Variants in PALS2 observed in about 807,000 individuals in gnomAD.
PALS2 encodes the protein protein PALS2.
In PALS2, 27 loss-of-function variants were observed where a neutral mutation model predicts 61.6. That is an observed-to-expected ratio of 0.44 (90% CI 0.32 to 0.60). PALS2 has a LOEUF of 0.60. Ranked by LOEUF, PALS2 falls within the 20% of genes least tolerant of loss-of-function variation. PALS2 has a pLI of 0.05. For missense variants in PALS2, 554 were observed against 639.4 expected (o/e 0.87, Z 1.44); for synonymous variants, 236 against 218.6 (o/e 1.08, Z -0.70).
intron 1 of PALS2, among the ~76,000 whole-genome samples, chr7:24,605,657 T>C (rs987921905): frequency 2.0e-5 from 3 of 152,050 alleles, no homozygotes; most frequent in Non-Finnish European, 4.4e-5. Flanking sequence ...AAAAACAAAG[T>C]ATAACATGCA....
In PALS2 at chr7:24,656,151, G is replaced by A. The variant is rs1032796375; in HGVS notation, c.651+5439G>A. On this transcript the variant is annotated intron_variant, in intron 5 of 11. Transcript: ENST00000222644. The stretch of plus-strand genomic sequence containing the variant: ...CTGAAATGCAGATTCAGATGGGCCT[G>A]GAACTATGGTTTAAGAAGTAGGTTC... Among the ~76,000 whole-genome samples, 3 of 152,190 alleles carry A rather than the reference G, an allele frequency of 2.0e-5. No individual in the cohort carries two copies. The East Asian group carries it at 5.8e-4, about 29-fold the overall frequency.
chr7:24,677,778 T>C (rs371112879), intron 9 of PALS2, among the ~76,000 whole-genome samples: 2 of 152,178 alleles, frequency 1.3e-5, no homozygotes, highest in African/African-American at 4.8e-5. Flanking sequence ...TTGAAGATTC[T>C]CAAAGATACT....
chr7:24,579,636 C>T (rs1372498525), intron 1 of PALS2, among the ~76,000 whole-genome samples: 1 of 151,902 alleles, frequency 6.6e-6, no homozygotes, highest in Non-Finnish European at 1.5e-5. Context: ...TACTTTGTAT[C>T]CTTCACACAG....
chr7:24,673,574 T>G (rs1787409979), intron 9 of PALS2, among the ~76,000 whole-genome samples: 1 of 152,132 alleles, frequency 6.6e-6, no homozygotes. Context: ...TCTCTTTCCT[T>G]GTTATAGGTC....
At chr7:24,655,022 CAT>C (rs953502917) in intron 5 of PALS2, among the ~76,000 whole-genome samples, 3 of 152,112 alleles carry the variant, frequency 2.0e-5, no homozygotes, top group Admixed American at 6.5e-5. Flanking sequence ...TAAAAGGGGA[CAT>C]GTGTTCAGTA....
In PALS2 at chr7:24,692,811, TATACCTGAAATCACTGC is replaced by T. The variant is rs1156848475; in HGVS notation, c.*5216_*5232del. 8 of 152,288 alleles carry T rather than the reference TATACCTGAAATCACTGC, an allele frequency of 5.3e-5. No homozygotes were observed. In the East Asian group the frequency reaches 7.7e-4, roughly 15 times the overall value. The allele number at this position is 152,288 out of a possible 1,614,324, so 9.4% of individuals were successfully genotyped here. On this transcript the variant is annotated 3_prime_UTR_variant, in exon 12 of 12. Coordinates refer to ENST00000222644, the MANE Select transcript of PALS2 (RefSeq NM_001303037.2). Reference sequence around the variant, plus strand: ...CCCGAAAACTGTCCTACTTTATCCTTATACCTGAAATCACTGCATACCTGAAATCACTGCAGCCCTAC... The same window carrying T: ...CCCGAAAACTGTCCTACTTTATCCTTATACCTGAAATCACTGCAGCCCTAC...
At chr7:24,627,595 A>G (rs891116204) in intron 2 of PALS2, among the ~76,000 whole-genome samples, 3 of 152,188 alleles carry the variant, frequency 2.0e-5, no homozygotes, top group Non-Finnish European at 2.9e-5. Flanking sequence ...TTTTGAAAAG[A>G]TTAGCAAAAT....
chr7:24,639,525 T>G (rs570420497), intron 2 of PALS2, among the ~76,000 whole-genome samples: 1 of 152,324 alleles, frequency 6.6e-6, no homozygotes, highest in East Asian at 1.9e-4. Context: ...GAAGCTTTCT[T>G]TTTATACTAT....
intron 1 of PALS2, among the ~76,000 whole-genome samples, chr7:24,595,410 T>A (rs988588981): frequency 1.4e-5 from 2 of 141,400 alleles, no homozygotes; most frequent in East Asian, 2.0e-4. Flanking sequence ...ATATAAAAAA[T>A]ATATATAAAT....
At chr7:24,650,382 T>C (rs1401051751) in intron 4 of PALS2, 103 bp from the exon 5 acceptor site, 1 of 953,776 alleles carries the variant, frequency 1.0e-6, no homozygotes, top group African/African-American at 1.7e-5. Context: ...GTAAGAATGA[T>C]TCATTTTACC....
chr7:24,603,535 C>T (rs1426650654), intron 1 of PALS2, among the ~76,000 whole-genome samples: 1 of 152,190 alleles, frequency 6.6e-6, no homozygotes, highest in Non-Finnish European at 1.5e-5. Context: ...CTGATGGGGA[C>T]TTGACAACTG....
intron 5 of PALS2, 42 bp downstream of exon 5, chr7:24,650,754 G>T: frequency 7.8e-7 from 1 of 1,280,090 alleles, no homozygotes; most frequent in Non-Finnish European, 1.1e-6. Context: ...ATACTTTCAT[G>T]TTTTTAATCA....
At chr7:24,637,268 C>G (rs1026821721) in intron 2 of PALS2, among the ~76,000 whole-genome samples, 3 of 146,782 alleles carry the variant, frequency 2.0e-5, no homozygotes, top group African/African-American at 7.5e-5. Flanking sequence ...CTAGAGAATT[C>G]CATTCTGATT....
chr7:24,631,738 C>T lies in PALS2; in HGVS notation c.117+7954C>T, dbSNP rs1183728418. Reference sequence around the variant, plus strand: ...AGCCTTCAGCAACCACCGCCTTGATCAGTCAGCAGCCATCAGCATCAAGAC... The same window carrying T: ...AGCCTTCAGCAACCACCGCCTTGATTAGTCAGCAGCCATCAGCATCAAGAC... On this transcript the variant is annotated intron_variant, in intron 2 of 11. Transcript: ENST00000222644. Among the ~76,000 whole-genome samples, 5 of 152,324 alleles carry T rather than the reference C, an allele frequency of 3.3e-5. No homozygotes were observed. The East Asian group carries it at 9.7e-4, about 29-fold the overall frequency.
At chr7:24,629,185 G>A (rs868417985) in intron 2 of PALS2, among the ~76,000 whole-genome samples, 5 of 151,996 alleles carry the variant, frequency 3.3e-5, no homozygotes, top group Admixed American at 6.6e-5. Flanking sequence ...GAAATGACAT[G>A]ACACATCTAC....
At chr7:24,653,284 T>C (rs1786252830) in intron 5 of PALS2, among the ~76,000 whole-genome samples, 1 of 151,932 alleles carries the variant, frequency 6.6e-6, no homozygotes, top group African/African-American at 2.4e-5. Flanking sequence ...ACTAAGCACA[T>C]TACCAGATGA....
rs1274329385 is a variant in PALS2, at chr7:24,691,405, G to GTGTGTGTATATA, written c.*3792_*3793insGTGTGTATATAT. ...ATATTATGTATGTGTGTGTGTGTGT[G>GTGTGTGTATATA]TATATATATATATATATATATATAT... On this transcript the variant is annotated 3_prime_UTR_variant, in exon 12 of 12. Coordinates refer to ENST00000222644, the MANE Select transcript of PALS2 (RefSeq NM_001303037.2). 35 of 110,570 alleles carry GTGTGTGTATATA rather than the reference G, an allele frequency of 3.2e-4. No homozygotes were observed. The highest frequency in any genetic ancestry group is 2.0e-3 in the Admixed American group (20 of 9,882). 6.8% of individuals were successfully genotyped at this position (110,570 alleles called of 1,614,324 possible). A position where few individuals can be genotyped will look rare whatever the true frequency, so the allele number is the denominator to read the frequency against.
Position 24,653,537 on chromosome 7 carries a change from A to G in PALS2, c.651+2825A>G, listed in dbSNP as rs1056692335. On this transcript the variant is annotated intron_variant, in intron 5 of 11. Transcript: ENST00000222644. ...ACCCCACGAAGTTTAATTTCCACTC[A>G]CGAAATTCCACTTTCGTTTTCATTA... is the stretch of plus-strand genomic sequence containing the variant. 9.2e-5 allele frequency among the ~76,000 whole-genome samples: 14 copies of G among 152,182 alleles called. No homozygotes were observed. In the East Asian group the frequency reaches 2.5e-3, roughly 27 times the overall value.
chr7:24,672,372 C>A (rs1453310787), intron 9 of PALS2, among the ~76,000 whole-genome samples: 1 of 151,740 alleles, frequency 6.6e-6, no homozygotes, highest in Non-Finnish European at 1.5e-5. Flanking sequence ...GGATTACAGG[C>A]ACCCACCATC....
Sources: gnomAD v4.1 joint callset for allele counts (sites outside exome capture counted in the v4.1 genomes callset) on GRCh38, gnomAD v4.1.1 for gene constraint, MANE v1.5 for transcripts, NCBI Gene and HGNC (gene_info 2026-07-23, HGNC 2026-07-21) for gene names.